Variants in PTGR1 observed in about 807,000 individuals in gnomAD.
The protein encoded by PTGR1 is 15-oxoprostaglandin 13-reductase.
PTGR1 carries 23 observed loss-of-function variants against 37.7 expected under a neutral mutation model. That is an observed-to-expected ratio of 0.61 (90% CI 0.44 to 0.86). PTGR1 has a LOEUF of 0.86. Among genes scored for constraint, PTGR1 ranks in the 40% least tolerant of loss-of-function variants. The probability of loss-of-function intolerance (pLI) is 0.00; values close to 1 mark genes in which losing one functional copy is unlikely to be tolerated. For synonymous variants in PTGR1, 134 were observed against 140.0 expected, an observed-to-expected ratio of 0.96 and a Z score of 0.30; for missense variants, 351 against 394.3, an observed-to-expected ratio of 0.89 and a Z score of 0.93.
At chr9:111,576,519 G>C in intron 7 of PTGR1, 1 of 1,486,060 alleles carries the variant, frequency 6.7e-7, no homozygotes, top group Non-Finnish European at 9.2e-7. Flanking sequence ...GAGCTGGATG[G>C]AGTATGAATC....
intron 2 of PTGR1, among the ~76,000 whole-genome samples, chr9:111,597,015 AAT>A (rs1026017675): frequency 1.2e-4 from 19 of 152,184 alleles, no homozygotes; most frequent in African/African-American, 4.3e-4. Flanking sequence ...CCACTATAAG[AAT>A]AGAGCTCAAG....
At chr9:111,585,915 T>C (rs1377087270) in intron 5 of PTGR1, 83 bp downstream of exon 5, 16 of 1,512,652 alleles carry the variant, frequency 1.1e-5, no homozygotes, top group Admixed American at 1.8e-5. Flanking sequence ...AATATCTTCC[T>C]GTTGACCAAG....
At chr9:111,574,620 A>AT in intron 8 of PTGR1, 114 bp downstream of exon 8, 5 of 699,424 alleles carry the variant, frequency 7.1e-6, no homozygotes, top group Non-Finnish European at 1.1e-5. Context: ...AAAAAAAAAA[A>AT]GAATATATGA....
intron 5 of PTGR1, 32 bp downstream of exon 5, chr9:111,585,966 T>A: frequency 6.2e-7 from 1 of 1,608,944 alleles, no homozygotes; most frequent in Non-Finnish European, 8.5e-7. Context: ...TGTCAGACAT[T>A]CAAACAAATG....
At chr9:111,554,556 A>G (rs1352889160) in intron 9 of PTGR1, among the ~76,000 whole-genome samples, 1 of 152,124 alleles carries the variant, frequency 6.6e-6, no homozygotes, top group Non-Finnish European at 1.5e-5. Flanking sequence ...CAAACCCTGT[A>G]TGTTCTATGT....
Position 111,592,984 on chromosome 9 carries a change from TGCA to T in PTGR1, c.153-5_153-3del, listed in dbSNP as rs1829664422. On this transcript the variant is annotated splice_polypyrimidine_tract_variant and splice_region_variant and intron_variant, in intron 3 of 9. Coordinates refer to ENST00000407693, the MANE Select transcript of PTGR1 (RefSeq NM_001146108.2). Reference sequence around the variant, plus strand: ...TCCTTCAATCTTTTGGCTGCCACTCTGCAAAAAAAAAAAAAAAAAAAAAAAAAA... The same window carrying T: ...TCCTTCAATCTTTTGGCTGCCACTCTAAAAAAAAAAAAAAAAAAAAAAAAA... 1 of 741,538 alleles carries T rather than the reference TGCA, an allele frequency of 1.3e-6. No homozygotes were observed. The highest frequency in any genetic ancestry group is 1.8e-6 in the Non-Finnish European group (1 of 558,532). 45.9% of individuals were successfully genotyped at this position (741,538 alleles called of 1,614,324 possible).
At chr9:111,567,632 G>C (rs777728641) in intron 9 of PTGR1, among the ~76,000 whole-genome samples, 141 of 152,206 alleles carry the variant, frequency 9.3e-4, no homozygotes, top group Middle Eastern at 6.3e-3. Flanking sequence ...TTTTGTGTAA[G>C]CTTACTGAAT....
intron 2 of PTGR1, among the ~76,000 whole-genome samples, chr9:111,594,651 T>C (rs1206966609): frequency 1.4e-5 from 2 of 147,588 alleles, no homozygotes; most frequent in South Asian, 2.2e-4. Context: ...CCTGGGTTCA[T>C]GCCATTCTCC....
intron 6 of PTGR1, among the ~76,000 whole-genome samples, chr9:111,582,159 A>G (rs1275968859): frequency 6.6e-6 from 1 of 152,226 alleles, no homozygotes; most frequent in Non-Finnish European, 1.5e-5. Context: ...ATGACCAAAC[A>G]TTCCAGTTAT....
chr9:111,590,181 G>A lies in PTGR1; in HGVS notation c.209+2745C>T, dbSNP rs549342330. On this transcript the variant is annotated intron_variant, in intron 4 of 9. Transcript: ENST00000407693. Reference sequence around the variant, plus strand: ...AGGAAAAGGGCAAAGGATATAAACAGATAATCCACAGAAGAAAATTGAGAA... The same window carrying A: ...AGGAAAAGGGCAAAGGATATAAACAAATAATCCACAGAAGAAAATTGAGAA... Among the ~76,000 whole-genome samples, 2 of 152,204 alleles carry A rather than the reference G, an allele frequency of 1.3e-5. 1 individual carries two copies. Among genetic ancestry groups the A allele is most frequent in the South Asian group, 4.2e-4 (2 of 4,810 alleles).
At chr9:111,574,474 G>A (rs780843236) in intron 8 of PTGR1, 6 of 197,244 alleles carry the variant, frequency 3.0e-5, no homozygotes, top group Non-Finnish European at 6.1e-5. Flanking sequence ...TCAGCCTCTT[G>A]AGTAGCTGGG....
At chr9:111,555,076 G>A (rs768839133) in intron 9 of PTGR1, among the ~76,000 whole-genome samples, 2 of 152,284 alleles carry the variant, frequency 1.3e-5, no homozygotes, top group East Asian at 1.9e-4. Flanking sequence ...GCAGAGGCAC[G>A]CCACATGGTG....
chr9:111,583,580 G>A lies in PTGR1; in HGVS notation c.387C>T (p.Ala129=). 2 of 1,605,564 alleles carry A rather than the reference G, an allele frequency of 1.2e-6. No individual in the cohort carries two copies. The highest frequency in any genetic ancestry group is 1.7e-6 in the Non-Finnish European group (2 of 1,172,206). Residue 129 remains alanine, a synonymous_variant, in exon 6 of 10, where the codon GCC becomes GCT. Transcript: ENST00000407693. ...LGTVGMPGLT[A]YFGLLEICGV... ...CACAGATTTCAAGTAGGCCAAAGTA[G>A]GCAGTCAGGCTAAAGGAAGAAAATT... is the stretch of plus-strand genomic sequence containing the variant.
At chr9:111,569,872 C>T in intron 9 of PTGR1, 1 of 646,678 alleles carries the variant, frequency 1.5e-6, no homozygotes. Flanking sequence ...GGGAAATGGA[C>T]CTGCATTTGC....
downstream of PTGR1, among the ~76,000 whole-genome samples, chr9:111,560,869 G>A (rs578151319): frequency 1.6e-3 from 225 of 140,562 alleles, 3 homozygotes; most frequent in African/African-American, 5.9e-3. Context: ...CTTGAAGCCG[G>A]GTGGCAGAGG....
At chr9:111,596,041 T>A (rs575830553) in intron 2 of PTGR1, among the ~76,000 whole-genome samples, 5 of 152,168 alleles carry the variant, frequency 3.3e-5, no homozygotes, top group Non-Finnish European at 7.3e-5. Context: ...CATAGTCTGG[T>A]CAAAGCCATG....
chr9:111,585,838 C>A (rs530085386), intron 5 of PTGR1, among the ~76,000 whole-genome samples, 160 bp downstream of exon 5: 2 of 152,336 alleles, frequency 1.3e-5, no homozygotes, highest in African/African-American at 4.8e-5. Context: ...TTGATGGACA[C>A]TTAGGTTGAT....
intron 9 of PTGR1, among the ~76,000 whole-genome samples, chr9:111,550,074 T>G (rs1430182045): frequency 6.6e-6 from 1 of 151,612 alleles, no homozygotes; most frequent in East Asian, 1.9e-4. Context: ...TGTTGTGTGT[T>G]TTTTGTTTTC....
At chr9:111,587,822 G>A (rs568520432) in intron 4 of PTGR1, among the ~76,000 whole-genome samples, 25 of 151,994 alleles carry the variant, frequency 1.6e-4, no homozygotes, top group African/African-American at 3.4e-4. Flanking sequence ...TCAACATTAC[G>A]TTGGTCTATA....
Sources: allele counts gnomAD v4.1 joint callset (sites outside exome capture counted in the v4.1 genomes callset), GRCh38; gene constraint gnomAD v4.1.1; transcripts MANE v1.5; gene names NCBI Gene and HGNC (gene_info 2026-07-23, HGNC 2026-07-21).